CELSR1: variants seen among roughly 807,000 people sequenced by gnomAD.
CELSR1 encodes the protein cadherin EGF LAG seven-pass G-type receptor 1, also known as adhesion G protein-coupled receptor C1.
A neutral mutation model predicts 249.1 loss-of-function variants in CELSR1; 110 were observed. That is an observed-to-expected ratio of 0.44 (90% CI 0.38 to 0.52). CELSR1 has a LOEUF of 0.52. Ranked by LOEUF, CELSR1 falls within the 20% of genes least tolerant of loss-of-function variation. The pLI, the probability that CELSR1 is intolerant of heterozygous loss-of-function variation, is 0.00. For synonymous variants in CELSR1, 2,113 were observed against 1,900.0 expected, an observed-to-expected ratio of 1.11 and a Z score of -2.92; for missense variants, 4,109 against 4,296.4, an observed-to-expected ratio of 0.96 and a Z score of 1.22.
chr22:46,384,557 G>A lies in CELSR1; in HGVS notation c.6869C>T (p.Pro2290Leu), dbSNP rs753623398. ...AGCGGTTTTACCTTTTTCTTCAGGT[G>A]GTCTGAAGAAGTCGGCTGGGAAGGA... ...SVSFPADFFR[P>L]PEEKEGPLLR... Residue 2290 changes from proline to leucine, a missense_variant, in exon 20 of 35, where the codon CCA (proline) becomes CTA (leucine). Physicochemically the swap from Pro to Leu is moderately conservative, Grantham distance 98 (BLOSUM62 -3). Around this residue, in one of 7 missense-constraint regions of CELSR1, gnomAD observed 1,805 missense variants for 1,831.6 expected, o/e 0.99. Transcript: ENST00000674500. The A allele has an allele frequency of 5.6e-6, 9 of 1,610,032 alleles. No individual in the cohort carries two copies. In the Admixed American group the frequency reaches 8.4e-5, roughly 15 times the overall value.
chr22:46,476,755 G>A (rs1234949790), intron 1 of CELSR1, among the ~76,000 whole-genome samples: 1 of 152,084 alleles, frequency 6.6e-6, no homozygotes, highest in Non-Finnish European at 1.5e-5. Context: ...AGCCATGCTG[G>A]TTGCCAAGCG....
intron 1 of CELSR1, among the ~76,000 whole-genome samples, chr22:46,499,957 C>T (rs1485535256): frequency 6.6e-6 from 1 of 152,198 alleles, no homozygotes; most frequent in Non-Finnish European, 1.5e-5. Context: ...CATCACCACC[C>T]AGCGGCCGCC....
At chr22:46,515,940 TA>T (rs1266652387) in intron 1 of CELSR1, among the ~76,000 whole-genome samples, 1 of 152,172 alleles carries the variant, frequency 6.6e-6, no homozygotes, top group Non-Finnish European at 1.5e-5. Flanking sequence ...TGGCGATCAT[TA>T]AAAAGTCAGG....
chr22:46,387,482 G>GCAATTCT, intron 18 of CELSR1, among the ~76,000 whole-genome samples: 1 of 147,240 alleles, frequency 6.8e-6, no homozygotes, highest in South Asian at 2.1e-4. Context: ...CCGGGTTCAA[G>GCAATTCT]CAATTCTCGT....
chr22:46,366,690 T>C (rs2078786789), intron 29 of CELSR1, among the ~76,000 whole-genome samples: 1 of 152,130 alleles, frequency 6.6e-6, no homozygotes, highest in Non-Finnish European at 1.5e-5. Context: ...TGGCCCGCGC[T>C]GTGGTCAGGG....
At chr22:46,509,007 A>C (rs1048755455) in intron 1 of CELSR1, among the ~76,000 whole-genome samples, 5 of 152,194 alleles carry the variant, frequency 3.3e-5, no homozygotes, top group African/African-American at 1.2e-4. Context: ...TCTGGGCAGG[A>C]CAGGCCAGCG....
rs931673936 is a variant in CELSR1, at chr22:46,406,850, C to T, written c.5226+2146G>A. ...GACCTTAGCCCAGCTTCCCCTGATG[C>T]GGGATGGTGTCCAGGACACACTCGG... On this transcript the variant is annotated intron_variant, in intron 9 of 34. Transcript: ENST00000674500. The surrounding 1 kb of genome is among the most constrained non-coding windows in gnomAD (Gnocchi z 5.4). Among the ~76,000 whole-genome samples the T allele has an allele frequency of 7.3e-5, 11 of 150,078 alleles. No homozygotes were observed. The highest frequency in any genetic ancestry group is 1.3e-4 in the Admixed American group (2 of 14,904).
At chr22:46,477,510 T>G (rs1222246731) in intron 1 of CELSR1, among the ~76,000 whole-genome samples, 5 of 110,504 alleles carry the variant, frequency 4.5e-5, no homozygotes, top group Admixed American at 1.1e-4. Flanking sequence ...TTTTGTTTTA[T>G]TGGCTTTTTT....
In CELSR1 at chr22:46,396,845, T is replaced by G; in HGVS notation, c.5702-99A>C. ...CTGTCCCCTCCAGAAGATCTGACTTTCCCTGGTACTCAGCAGAGGGAAGAG... is the reference window on the plus strand; with the variant it reads ...CTGTCCCCTCCAGAAGATCTGACTTGCCCTGGTACTCAGCAGAGGGAAGAG... On this transcript the variant is annotated intron_variant, in intron 12 of 34. Transcript: ENST00000674500. This position sits in a 1 kb window ranked among gnomAD's most constrained non-coding sequence, Gnocchi z 6.4. 3 of 1,462,974 alleles carry G rather than the reference T, an allele frequency of 2.1e-6. No homozygotes were observed. Among genetic ancestry groups the G allele is most frequent in the Non-Finnish European group, 2.8e-6 (3 of 1,073,988 alleles). 90.6% of individuals were successfully genotyped at this position (1,462,974 alleles called of 1,614,324 possible). A position where few individuals can be genotyped will look rare whatever the true frequency, so the allele number is the denominator to read the frequency against.
In CELSR1 at chr22:46,441,361, G is replaced by T. The variant is rs79170794; in HGVS notation, c.4184-1950C>A. ...GTCCCCCCGAGAGGCCTCCAACCAC[G>T]CTCCGGACGGCCAGTGGGATTCACA... On this transcript the variant is annotated intron_variant, in intron 2 of 34. Transcript: ENST00000674500. This position sits in a 1 kb window ranked among gnomAD's most constrained non-coding sequence, Gnocchi z 6.1. Among the ~76,000 whole-genome samples the T allele has an allele frequency of 0.11, 16,858 of 151,830 alleles. 985 individuals are homozygous for T. The highest frequency in any genetic ancestry group is 0.21 in the Admixed American group (3,186 of 15,256).
At position 46,388,469 on chromosome 22, in the gene CELSR1, C is replaced by T. The variant is rs2079054554; in HGVS notation, c.6555+821G>A. ...TGGGACTCAAATCCCAGCAAGGGGA[C>T]CCTGCCTGGTCTCTGGCGGCCTTAT... On this transcript the variant is annotated intron_variant, in intron 18 of 34. Transcript: ENST00000674500. Among the ~76,000 whole-genome samples, 3 of 152,156 alleles carry T rather than the reference C, an allele frequency of 2.0e-5. No individual in the cohort carries two copies. The South Asian group carries it at 6.2e-4, about 32-fold the overall frequency.
chr22:46,511,769 G>A (rs994949889), intron 1 of CELSR1, among the ~76,000 whole-genome samples: 8 of 152,130 alleles, frequency 5.3e-5, no homozygotes, highest in South Asian at 2.1e-4. Context: ...AGAGTAAGAG[G>A]GTGAGATGAG....
rs1385838145 is a variant in CELSR1 at position 46,481,491 on chromosome 22, C to T, written c.3545-17146G>A. The T allele has an allele frequency of 5.8e-6, 9 of 1,562,466 alleles. No homozygotes were observed. In the African/African-American group the frequency reaches 9.6e-5, roughly 17 times the overall value. The stretch of plus-strand genomic sequence containing the variant: ...AATCTTTGGCTTTGTCGTTGCAATG[C>T]GTGGTGCACCGGACCAGGTGGTCCT... On this transcript the variant is annotated intron_variant, in intron 1 of 34. Transcript: ENST00000674500.
chr22:46,451,216 C>T (rs1269145165), intron 2 of CELSR1, among the ~76,000 whole-genome samples: 1 of 152,172 alleles, frequency 6.6e-6, no homozygotes, highest in African/African-American at 2.4e-5. Context: ...CCCCACCTGG[C>T]AAGGTAGCCA....
chr22:46,367,916 C>A, intron 27 of CELSR1, 61 bp from the exon 28 acceptor site: 1 of 1,540,288 alleles, frequency 6.5e-7, no homozygotes, highest in South Asian at 1.2e-5. Flanking sequence ...TCCTCCCTCC[C>A]TCTCTGCACG....
rs369651712 is a variant in CELSR1 at position 46,411,564 on chromosome 22, G to T, written c.4769+38C>A. On this transcript the variant is annotated intron_variant, in intron 6 of 34. Coordinates refer to ENST00000674500, the MANE Select transcript of CELSR1 (RefSeq NM_001378328.1). This position sits in a 1 kb window ranked among gnomAD's most constrained non-coding sequence, Gnocchi z 4.2. The stretch of plus-strand genomic sequence containing the variant: ...GGCCGCAGGGTGAGCATGTTTGGGG[G>T]TACGGACCCCCAGGGCCTCCCCTCC... 1 of 1,611,676 alleles carries T rather than the reference G, an allele frequency of 6.2e-7. No homozygotes were observed. Among genetic ancestry groups the T allele is most frequent in the African/African-American group, 1.3e-5 (1 of 74,928 alleles).
Position 46,381,850 on chromosome 22 carries a change from G to A in CELSR1, c.7084C>T (p.Leu2362Phe). The A allele has an allele frequency of 1.3e-6, 2 of 1,553,374 alleles. No homozygotes were observed. Among genetic ancestry groups the A allele is most frequent in the Non-Finnish European group, 1.7e-6 (2 of 1,152,790 alleles). The change falls in exon 21 of 35, where the codon CTC becomes TTC. Residue 2362 changes from leucine (L) to phenylalanine (F), a missense_variant. Physicochemically the swap from Leu to Phe is conservative, Grantham distance 22. Around this residue, in one of 7 missense-constraint regions of CELSR1, gnomAD observed 1,805 missense variants for 1,831.6 expected, o/e 0.99. Transcript: ENST00000674500. The surrounding 1 kb of genome is among the most constrained non-coding windows in gnomAD (Gnocchi z 6.0). ...PERYDPDRRS[L>F]RLPHRPIINT... ...TGCCCCGTGCCCAGGCCTTACCGGAGGCTGCGACGGTCGGGGTCGTAGCGC... is the reference window on the plus strand; with the variant it reads ...TGCCCCGTGCCCAGGCCTTACCGGAAGCTGCGACGGTCGGGGTCGTAGCGC...
intron 5 of CELSR1, among the ~76,000 whole-genome samples, chr22:46,422,633 G>C (rs1241489651): frequency 6.6e-6 from 1 of 151,420 alleles, no homozygotes; most frequent in African/African-American, 2.4e-5. Context: ...CGGGCATGGT[G>C]GTGGGCGCCT....
chr22:46,374,171 G>A lies in CELSR1; in HGVS notation c.7585-1114C>T, dbSNP rs138347570. Among the ~76,000 whole-genome samples, 558 of 152,324 alleles carry A rather than the reference G, an allele frequency of 3.7e-3. 3 individuals carry two copies. The highest frequency in any genetic ancestry group is 6.8e-3 in the Middle Eastern group (2 of 294). On this transcript the variant is annotated intron_variant, in intron 24 of 34. Transcript: ENST00000674500. The surrounding 1 kb of genome is among the most constrained non-coding windows in gnomAD (Gnocchi z 4.3). ...GTCAGGAAAGGAGGCGCGAGCGTGT[G>A]GCTGGAGAACTCTACACCAAACACC...
Sources: allele counts gnomAD v4.1 joint callset (sites outside exome capture counted in the v4.1 genomes callset), GRCh38; gene constraint gnomAD v4.1.1; regional missense constraint gnomAD v4.1.1; non-coding constraint Gnocchi (gnomAD v3.1); transcripts MANE v1.5; gene names NCBI Gene and HGNC (gene_info 2026-07-23, HGNC 2026-07-21).